The following TRPM3 variants were observed in gnomAD, a reference collection of about 807,000 sequenced individuals.
The protein encoded by TRPM3 is long transient receptor potential channel 3.
In TRPM3, 77 loss-of-function variants were observed where a neutral mutation model predicts 181.2. That is an observed-to-expected ratio of 0.42 (90% CI 0.35 to 0.51). TRPM3 has a LOEUF of 0.51. Among genes scored for constraint, TRPM3 ranks in the 20% least tolerant of loss-of-function variants. The pLI is 0.01. For synonymous variants in TRPM3, 745 were observed against 796.4 expected, an observed-to-expected ratio of 0.94 and a Z score of 1.09; for missense variants, 1,759 against 2,196.7, an observed-to-expected ratio of 0.80 and a Z score of 3.98.
intron 21 of TRPM3, among the ~76,000 whole-genome samples, chr9:70,591,984 T>C (rs1588987449): frequency 6.6e-6 from 1 of 152,234 alleles, no homozygotes; most frequent in East Asian, 1.9e-4. Flanking sequence ...GACAGGTTTA[T>C]AAAATCCTCC....
intron 22 of TRPM3, among the ~76,000 whole-genome samples, chr9:70,554,350 G>A (rs1240866612): frequency 6.6e-6 from 1 of 152,170 alleles, no homozygotes; most frequent in African/African-American, 2.4e-5. Context: ...TGGTTGGGGG[G>A]AGTGGGAGGA....
At chr9:71,311,680 A>G (rs2087950823) in intron 1 of TRPM3, among the ~76,000 whole-genome samples, 1 of 152,130 alleles carries the variant, frequency 6.6e-6, no homozygotes, top group Non-Finnish European at 1.5e-5. Flanking sequence ...TAACAAAGAA[A>G]AAAAAATCTA....
chr9:70,593,555 T>G (rs1421483046), intron 21 of TRPM3, among the ~76,000 whole-genome samples: 1 of 152,178 alleles, frequency 6.6e-6, no homozygotes, highest in Non-Finnish European at 1.5e-5. Flanking sequence ...CTCAGGATTG[T>G]TTTTGTTCAG....
intron 9 of TRPM3, among the ~76,000 whole-genome samples, chr9:70,646,739 C>T (rs111973707): frequency 2.0e-5 from 3 of 151,748 alleles, no homozygotes; most frequent in Middle Eastern, 3.4e-3. Flanking sequence ...AGCAGTGGAA[C>T]TAAGAGTTGG....
At chr9:70,976,654 G>A (rs531790412) in intron 1 of TRPM3, among the ~76,000 whole-genome samples, 49 of 152,290 alleles carry the variant, frequency 3.2e-4, no homozygotes, top group African/African-American at 1.1e-3. Context: ...GAGCCAGACC[G>A]CCTACAGGAA....
At chr9:70,957,650 A>C (rs1406844466) in intron 1 of TRPM3, among the ~76,000 whole-genome samples, 12 of 152,308 alleles carry the variant, frequency 7.9e-5, no homozygotes, top group Middle Eastern at 3.4e-3. Context: ...GTTTTTCAAA[A>C]GTCTCATAAT....
chr9:71,210,764 T>C (rs929607732), intron 1 of TRPM3, among the ~76,000 whole-genome samples: 3 of 152,174 alleles, frequency 2.0e-5, no homozygotes, highest in Non-Finnish European at 2.9e-5. Flanking sequence ...ACAACAGAAA[T>C]CTGCTTCTTA....
At chr9:71,237,228 C>A (rs1242963529) in intron 1 of TRPM3, among the ~76,000 whole-genome samples, 1 of 152,020 alleles carries the variant, frequency 6.6e-6, no homozygotes, top group African/African-American at 2.4e-5. Context: ...TTTGATAATT[C>A]AAAATTTTGA....
chr9:70,645,753 A>T (rs1018555012), intron 9 of TRPM3, among the ~76,000 whole-genome samples: 1 of 148,360 alleles, frequency 6.7e-6, no homozygotes, highest in Non-Finnish European at 1.5e-5. Context: ...AAAAAAAAAA[A>T]ATAAAAAAAA....
rs1385192509 is a variant in TRPM3, at chr9:71,378,809, CAAGT to C, written c.183+67840_183+67843del. Among the ~76,000 whole-genome samples the C allele has an allele frequency of 8.6e-5, 13 of 152,032 alleles. No homozygotes were observed. The East Asian group carries it at 1.7e-3, about 20-fold the overall frequency. On this transcript the variant is annotated intron_variant, in intron 1 of 24. Transcript: ENST00000357533. ...AATATAAATTTGCTTGGGTAGGATCCAAGTAAGTCCAGCCTTTATACTAAATACT... is the reference window on the plus strand; with the variant it reads ...AATATAAATTTGCTTGGGTAGGATCCAAGTCCAGCCTTTATACTAAATACT...
In TRPM3 at chr9:71,012,964, T is replaced by G. The variant is rs184966897; in HGVS notation, c.177+108214A>C. On this transcript the variant is annotated intron_variant, in intron 1 of 25. Coordinates refer to ENST00000677713, the MANE Select transcript of TRPM3 (RefSeq NM_001366145.2). ...GCCATTCTTGCCTTGTTCCCAATCT[T>G]AATGTGAATACTTTGTGTTTCTTCA... Among the ~76,000 whole-genome samples the G allele has an allele frequency of 9.0e-4, 137 of 152,242 alleles. 1 individual carries two copies. Among genetic ancestry groups the G allele is most frequent in the African/African-American group, 3.2e-3 (131 of 41,580 alleles).
intron 1 of TRPM3, among the ~76,000 whole-genome samples, chr9:71,238,513 C>T (rs1332271741): frequency 1.3e-5 from 2 of 152,198 alleles, no homozygotes; most frequent in Admixed American, 6.5e-5. Context: ...CAAGCTCCCA[C>T]TGCTCCAAAA....
intron 18 of TRPM3, among the ~76,000 whole-genome samples, chr9:70,610,958 G>T (rs1044323395): frequency 6.6e-6 from 1 of 152,174 alleles, no homozygotes; most frequent in African/African-American, 2.4e-5. Context: ...GGCCTTGGGT[G>T]TATTTCTTGA....
chr9:71,368,127 T>TC (rs1411734355), intron 1 of TRPM3, among the ~76,000 whole-genome samples: 4 of 151,896 alleles, frequency 2.6e-5, no homozygotes, highest in Non-Finnish European at 5.9e-5. Context: ...ACCAAGATTT[T>TC]TTTTTTAGAT....
intron 1 of TRPM3, among the ~76,000 whole-genome samples, chr9:71,098,516 T>C (rs1409641316): frequency 2.0e-5 from 3 of 152,158 alleles, no homozygotes; most frequent in Non-Finnish European, 4.4e-5. Context: ...AGTGAGTATA[T>C]GCAGTGGTGA....
At chr9:71,234,176 C>A (rs2081232738) in intron 1 of TRPM3, among the ~76,000 whole-genome samples, 1 of 152,190 alleles carries the variant, frequency 6.6e-6, no homozygotes, top group African/African-American at 2.4e-5. Context: ...CCTTGCCATG[C>A]AACCCTCTAT....
chr9:71,263,936 T>C (rs1183953683), intron 1 of TRPM3, among the ~76,000 whole-genome samples: 3 of 152,254 alleles, frequency 2.0e-5, no homozygotes, highest in African/African-American at 7.2e-5. Context: ...CATGCTACCA[T>C]GTCCAGCTAA....
intron 1 of TRPM3, among the ~76,000 whole-genome samples, chr9:71,313,521 A>G (rs1276554132): frequency 6.6e-6 from 1 of 152,144 alleles, no homozygotes; most frequent in African/African-American, 2.4e-5. Flanking sequence ...ATCACATCAT[A>G]TTTTAATGTC....
intron 1 of TRPM3, among the ~76,000 whole-genome samples, chr9:71,283,836 C>T (rs528758732): frequency 6.4e-4 from 97 of 152,302 alleles, no homozygotes; most frequent in South Asian, 1.2e-3. Flanking sequence ...GTCAAGTGCC[C>T]TATCTAATAT....
Sources: gnomAD v4.1 joint callset for allele counts (sites outside exome capture counted in the v4.1 genomes callset) on GRCh38, gnomAD v4.1.1 for gene constraint, MANE v1.5 for transcripts, NCBI Gene and HGNC (gene_info 2026-07-23, HGNC 2026-07-21) for gene names.